GASK1A: variants seen among roughly 807,000 people sequenced by gnomAD.
GASK1A encodes Golgi-associated kinase 1A.
Under a neutral mutation model 41.2 loss-of-function variants are expected in GASK1A, and 40 were observed. The ratio of observed to expected loss-of-function variants is 0.97; its 90% CI spans 0.75 to 1.27. The LOEUF (loss-of-function observed/expected upper bound fraction) is 1.27, where lower values mean the gene tolerates loss of function less well. GASK1A is among the 50% of genes most tolerant of loss of function. GASK1A has a pLI of 0.00. For synonymous variants in GASK1A, 316 were observed against 307.1 expected (o/e 1.03, Z -0.30); for missense variants, 678 against 745.1 (o/e 0.91, Z 1.05).
intron 1 of GASK1A, among the ~76,000 whole-genome samples, chr3:43,029,320 C>T (rs1380355707): frequency 6.6e-6 from 1 of 152,098 alleles, no homozygotes; most frequent in East Asian, 1.9e-4. Context: ...CTCATTTCAA[C>T]CCTCTTCTTT....
intron 1 of GASK1A, among the ~76,000 whole-genome samples, chr3:43,021,327 A>T (rs1364197667): frequency 6.6e-6 from 1 of 151,828 alleles, no homozygotes; most frequent in Non-Finnish European, 1.5e-5. Flanking sequence ...TTCCTGTTCC[A>T]TCCTGGTTAT....
chr3:43,032,790 G>T lies in GASK1A; in HGVS notation c.527G>T (p.Gly176Val). The T allele has an allele frequency of 6.4e-7, 1 of 1,550,898 alleles. No individual in the cohort carries two copies. The highest frequency in any genetic ancestry group is 8.7e-7 in the Non-Finnish European group (1 of 1,147,008). Reference sequence around the variant, plus strand: ...GTCACCCTGGTCAGTCCACTCCCAGGGAGTGACATGGCAGCTTTACCGGCT... The same window carrying T: ...GTCACCCTGGTCAGTCCACTCCCAGTGAGTGACATGGCAGCTTTACCGGCT... ...EVVTLVSPLP[G>V]SDMAALPAWR... The change falls in exon 2 of 5, where the codon GGG becomes GTG. Residue 176 changes from glycine (G) to valine (V), a missense_variant. Transcript: ENST00000430121.
intron 1 of GASK1A, among the ~76,000 whole-genome samples, chr3:43,006,922 A>G (rs997634992): frequency 2.0e-4 from 30 of 152,190 alleles, no homozygotes; most frequent in Non-Finnish European, 1.2e-4. Context: ...CAGTCTCCCA[A>G]TGATCAAAGC....
rs537898799 is a variant in GASK1A, at chr3:43,033,071, C to T, written c.808C>T (p.Arg270Cys). ...GACAGACCACGATGTGCAGATGCTC[C>T]GTCTGTTGGCACAGGGGGAGGTGGT... ...WLTDHDVQMLRLLAQGEVVDK... is the reference protein window; with the variant it reads ...WLTDHDVQMLCLLAQGEVVDK... Residue 270 changes from arginine (R) to cysteine (C), a missense_variant, in exon 2 of 5, where the codon CGT (arginine) becomes TGT (cysteine). Coordinates refer to ENST00000430121, the MANE Select transcript of GASK1A (RefSeq NM_001129908.3). The T allele has an allele frequency of 5.2e-6, 8 of 1,551,720 alleles. No individual in the cohort carries two copies. Among genetic ancestry groups the T allele is most frequent in the East Asian group, 2.4e-5 (1 of 40,908 alleles).
chr3:43,016,116 GA>G, intron 1 of GASK1A, among the ~76,000 whole-genome samples: 1 of 151,874 alleles, frequency 6.6e-6, no homozygotes, highest in Non-Finnish European at 1.5e-5. Context: ...GGGGCTGTGT[GA>G]AGCCCCGGGA....
At chr3:42,998,597 T>G (rs1238993900) in intron 1 of GASK1A, among the ~76,000 whole-genome samples, 6 of 152,178 alleles carry the variant, frequency 3.9e-5, no homozygotes, top group African/African-American at 1.2e-4. Flanking sequence ...AGTGAAGAGC[T>G]AGGACACCCA....
rs539036999 is a variant in GASK1A at position 43,015,433 on chromosome 3, C to T, written c.4-16834C>T. ...CTGTGTGAAGTCACAGGATCTCTGGCTGTGTGAAGACACAGAAAGGGGCAG... is the reference window on the plus strand; with the variant it reads ...CTGTGTGAAGTCACAGGATCTCTGGTTGTGTGAAGACACAGAAAGGGGCAG... On this transcript the variant is annotated intron_variant, in intron 1 of 4. Coordinates refer to ENST00000430121, the MANE Select transcript of GASK1A (RefSeq NM_001129908.3). Among the ~76,000 whole-genome samples the T allele has an allele frequency of 9.9e-5, 14 of 141,620 alleles. No homozygotes were observed. In the East Asian group the frequency reaches 3.1e-3, roughly 31 times the overall value. 92.9% of individuals were successfully genotyped at this position (141,620 alleles called of 152,430 possible). A position where few individuals can be genotyped will look rare whatever the true frequency, so the allele number is the denominator to read the frequency against.
At chr3:42,990,621 G>A (rs2089335766) in intron 1 of GASK1A, among the ~76,000 whole-genome samples, 1 of 152,194 alleles carries the variant, frequency 6.6e-6, no homozygotes, top group African/African-American at 2.4e-5. Flanking sequence ...TGGGGAGGAT[G>A]GGGGGCAGCC....
At chr3:43,029,201 G>A (rs1206826387) in intron 1 of GASK1A, among the ~76,000 whole-genome samples, 1 of 152,030 alleles carries the variant, frequency 6.6e-6, no homozygotes, top group Non-Finnish European at 1.5e-5. Flanking sequence ...CTGAGTCTTG[G>A]GGGATCAGCT....
intron 1 of GASK1A, among the ~76,000 whole-genome samples, chr3:42,992,881 A>G (rs941180182): frequency 1.6e-4 from 24 of 152,214 alleles, no homozygotes; most frequent in Admixed American, 1.6e-3. Context: ...TATAGACAAA[A>G]AAGGTAAAGT....
At chr3:43,036,815 G>A (rs2089607041) in intron 2 of GASK1A, among the ~76,000 whole-genome samples, 1 of 152,138 alleles carries the variant, frequency 6.6e-6, no homozygotes, top group Non-Finnish European at 1.5e-5. Context: ...GTGTCAGCTG[G>A]CAACCTGAAC....
intron 3 of GASK1A, 49 bp from the exon 4 acceptor site, chr3:43,055,383 G>A (rs484260): frequency 0.032 from 44,578 of 1,380,888 alleles, 881 homozygotes; most frequent in Non-Finnish European, 0.038. Context: ...GGTGCCAGCC[G>A]TAGCTGCACC....
chr3:43,011,207 C>T (rs2089461870), intron 1 of GASK1A, among the ~76,000 whole-genome samples: 2 of 151,974 alleles, frequency 1.3e-5, no homozygotes, highest in African/African-American at 4.8e-5. Context: ...CATGGTGAAA[C>T]CCTGTCTCTA....
chr3:43,051,287 C>T lies in GASK1A; in HGVS notation c.1291-2234C>T, dbSNP rs186117017. ...TTGTATATGGCCACTGAAATTTCTG[C>T]TCAGTTAGTTCAGTGATCAGCTGAT... On this transcript the variant is annotated intron_variant, in intron 2 of 4. Transcript: ENST00000430121. 1.1e-3 allele frequency among the ~76,000 whole-genome samples: 161 copies of T among 152,252 alleles called. 1 individual carries two copies. Among genetic ancestry groups the T allele is most frequent in the Middle Eastern group, 3.4e-3 (1 of 294 alleles).
chr3:43,033,392 C>T lies in GASK1A; in HGVS notation c.1129C>T (p.His377Tyr), dbSNP rs566369662. 9.7e-6 allele frequency: 15 copies of T among 1,551,596 alleles called. No homozygotes were observed. The South Asian group carries it at 1.3e-4, about 14-fold the overall frequency. ...PVIWWAPDVQ[H>Y]LSDPDEDQNS... Reference sequence around the variant, plus strand: ...CATCTGGTGGGCACCCGATGTGCAGCACCTGAGCGACCCAGATGAGGATCA... The same window carrying T: ...CATCTGGTGGGCACCCGATGTGCAGTACCTGAGCGACCCAGATGAGGATCA... The change falls in exon 2 of 5, where the codon CAC (histidine) becomes TAC (tyrosine). Residue 377 changes from histidine to tyrosine, a missense_variant. Transcript: ENST00000430121.
Position 43,021,315 on chromosome 3 carries a change from C to A in GASK1A, c.4-10952C>A, listed in dbSNP as rs566784069. Reference sequence around the variant, plus strand: ...CGTGATTTTAAAAGGCCAATAAATTCTTTCCTGTTCCATCCTGGTTATCTT... The same window carrying A: ...CGTGATTTTAAAAGGCCAATAAATTATTTCCTGTTCCATCCTGGTTATCTT... On this transcript the variant is annotated intron_variant, in intron 1 of 4. Coordinates refer to ENST00000430121, the MANE Select transcript of GASK1A (RefSeq NM_001129908.3). Among the ~76,000 whole-genome samples, 4 of 152,312 alleles carry A rather than the reference C, an allele frequency of 2.6e-5. No homozygotes were observed. In the East Asian group the frequency reaches 7.7e-4, roughly 29 times the overall value.
chr3:42,998,897 G>A (rs1473963303), intron 1 of GASK1A, among the ~76,000 whole-genome samples: 8 of 152,096 alleles, frequency 5.3e-5, no homozygotes, highest in African/African-American at 1.9e-4. Flanking sequence ...AGCTTCCCTA[G>A]GATTCACAGC....
chr3:43,015,306 A>G (rs2089484985), intron 1 of GASK1A, among the ~76,000 whole-genome samples: 2 of 148,030 alleles, frequency 1.4e-5, no homozygotes, highest in Non-Finnish European at 3.0e-5. Flanking sequence ...GTGTGAAGCC[A>G]CTGTAAGGGG....
At chr3:43,054,844 GAT>G (rs1553616676) in intron 3 of GASK1A, among the ~76,000 whole-genome samples, 1 of 152,212 alleles carries the variant, frequency 6.6e-6, no homozygotes, top group Non-Finnish European at 1.5e-5. Flanking sequence ...GAGGATAAAG[GAT>G]ATGTCTGTGA....
Sources: gnomAD v4.1 joint callset for allele counts (sites outside exome capture counted in the v4.1 genomes callset) on GRCh38, gnomAD v4.1.1 for gene constraint, MANE v1.5 for transcripts, NCBI Gene and HGNC (gene_info 2026-07-23, HGNC 2026-07-21) for gene names.